SLC39A13: variants seen among roughly 807,000 people sequenced by gnomAD.
SLC39A13 encodes the protein zinc transporter ZIP13.
A neutral mutation model predicts 38.7 loss-of-function variants in SLC39A13; 18 were observed. The ratio of observed to expected loss-of-function variants is 0.47; its 90% confidence interval spans 0.32 to 0.69. SLC39A13 has a LOEUF of 0.69. Ranked by LOEUF, SLC39A13 falls within the 30% of genes least tolerant of loss-of-function variation. The pLI is 0.03. For missense variants in SLC39A13, 395 were observed against 490.7 expected (o/e 0.80, Z 1.84); for synonymous variants, 212 against 219.1 (o/e 0.97, Z 0.29).
chr11:47,413,495 C>A lies in SLC39A13; in HGVS notation c.633C>A (p.Val211=). 1 of 1,614,050 alleles carries A rather than the reference C, an allele frequency of 6.2e-7. No individual in the cohort carries two copies. The highest frequency in any genetic ancestry group is 1.1e-5 in the South Asian group (1 of 91,056). The part of the protein sequence containing the change: ...PAAEPGLGAV[V]RSIKVSGYLN... Reference sequence around the variant, plus strand: ...CAGAGCCCGGCCTCGGTGCCGTGGTCCGGAGCATCAAAGTGAGTGGCCTGC... The same window carrying A: ...CAGAGCCCGGCCTCGGTGCCGTGGTACGGAGCATCAAAGTGAGTGGCCTGC... The change falls in exon 5 of 10, where the codon GTC becomes GTA. Residue 211 remains valine (V), a synonymous_variant. Coordinates refer to ENST00000362021, the MANE Select transcript of SLC39A13 (RefSeq NM_001128225.3).
intron 1 of SLC39A13, 128 bp from the exon 2 acceptor site, chr11:47,409,959 C>A (rs140346957): frequency 1.8e-6 from 2 of 1,096,512 alleles, no homozygotes; most frequent in East Asian, 4.7e-5. Flanking sequence ...GATGCTCAGA[C>A]GCTCTGGCAA....
chr11:47,411,822 C>G (rs771265826), intron 2 of SLC39A13, 104 bp from the exon 3 acceptor site: 1 of 1,135,464 alleles, frequency 8.8e-7, no homozygotes, highest in Non-Finnish European at 1.3e-6. Context: ...CCACCCATAT[C>G]CAGCCTTGCA....
At position 47,413,683 on chromosome 11, in the gene SLC39A13, G is replaced by T. The variant is rs1311530837; in HGVS notation, c.732G>T (p.Lys244Asn). The change falls in exon 6 of 10, where the codon AAG becomes AAT. Residue 244 changes from lysine to asparagine, a missense_variant. Coordinates refer to ENST00000362021, the MANE Select transcript of SLC39A13 (RefSeq NM_001128225.3). ...LAVAASFLVS[K>N]KIGLLTTMAI... ...TGGCTGCCAGCTTCCTTGTGAGCAA[G>T]AAGGTGAGGGGCTTGGGGCCAGTGG... 6.2e-7 allele frequency: 1 copy of T among 1,613,952 alleles called. No individual in the cohort carries two copies. The highest frequency in any genetic ancestry group is 8.5e-7 in the Non-Finnish European group (1 of 1,179,984).
At position 47,414,823 on chromosome 11, in the gene SLC39A13, G is replaced by C. The variant is rs370516835; in HGVS notation, c.833G>C (p.Ser278Thr). 37 of 1,611,942 alleles carry C rather than the reference G, an allele frequency of 2.3e-5. No homozygotes were observed. The highest frequency in any genetic ancestry group is 2.9e-5 in the Non-Finnish European group (34 of 1,180,026). The change falls in exon 8 of 10, where the codon AGC becomes ACC. Residue 278 changes from serine (S) to threonine (T), a missense_variant. By Grantham distance (58) the Ser-to-Thr change is moderately conservative (BLOSUM62 1). Transcript: ENST00000362021. ...CTCCGGGCCGGCTTTGACCGATGGA[G>C]CGCAGCCAAGCTGCAACTCTCAACA... The part of the protein sequence containing the change: ...ILLRAGFDRW[S>T]AAKLQLSTAL...
In SLC39A13 at chr11:47,415,830, G is replaced by A. The variant is rs988043877; in HGVS notation, c.*467G>A. The A allele has an allele frequency of 4.0e-6, 1 of 248,778 alleles. No homozygotes were observed. The highest frequency in any genetic ancestry group is 4.9e-5 in the South Asian group (1 of 20,466). 15.4% of individuals were successfully genotyped at this position (248,778 alleles called of 1,614,324 possible). On this transcript the variant is annotated 3_prime_UTR_variant, in exon 10 of 10. Coordinates refer to ENST00000362021, the MANE Select transcript of SLC39A13 (RefSeq NM_001128225.3). ...GCGGCCTAGGGGCCAAGGCTGGGGC[G>A]GCTTTGGTCCCTTTTCCTGGCCCTT...
rs376076637 is a variant in SLC39A13, at chr11:47,415,293, C to T, written c.1046C>T (p.Ser349Phe). Residue 349 changes from serine to phenylalanine, a missense_variant, in exon 10 of 10, where the codon TCC becomes TTC. Transcript: ENST00000362021. ...GAGCCGTTCCCTCCCCACAGGCGCT[C>T]CCTGCAGCAGCTGCTTCTGCTCTGT... is the stretch of plus-strand genomic sequence containing the variant. ...DLLEEEDPWR[S>F]LQQLLLLCAG... 1.9e-5 allele frequency: 31 copies of T among 1,613,924 alleles called. No individual in the cohort carries two copies. Among genetic ancestry groups the T allele is most frequent in the Non-Finnish European group, 2.6e-5 (31 of 1,180,032 alleles).
chr11:47,412,606 C>T, intron 4 of SLC39A13, 139 bp downstream of exon 4: 1 of 1,478,920 alleles, frequency 6.8e-7, no homozygotes. Context: ...GGAGGTTGGG[C>T]CACCTTCTTT....
chr11:47,410,149 C>T lies in SLC39A13; in HGVS notation c.55C>T (p.Leu19Phe), dbSNP rs61995938. ...CGMAGPRLLF[L>F]TALALELLER... ...CATGGCGGGCCCAAGGCTCCTCTTC[C>T]TCACTGCCCTTGCCCTGGAGCTCTT... Residue 19 changes from leucine to phenylalanine, a missense_variant, in exon 2 of 10, where the codon CTC becomes TTC. Transcript: ENST00000362021. 90 of 1,613,342 alleles carry T rather than the reference C, an allele frequency of 5.6e-5. No individual in the cohort carries two copies. The African/African-American group carries it at 1.0e-3, about 19-fold the overall frequency.
rs74769589 is a variant in SLC39A13 at position 47,410,854 on chromosome 11, G to A, written c.301+459G>A. The stretch of plus-strand genomic sequence containing the variant: ...GCTGGTGCTGCCAGCTGGATGCTCA[G>A]GAACCATTCACTTACCAGATGGTTA... On this transcript the variant is annotated intron_variant, in intron 2 of 9. Transcript: ENST00000362021. Among the ~76,000 whole-genome samples, 638 of 152,296 alleles carry A rather than the reference G, an allele frequency of 4.2e-3. 1 individual carries two copies. The highest frequency in any genetic ancestry group is 0.015 in the African/African-American group (624 of 41,556).
At chr11:47,409,945 T>G in intron 1 of SLC39A13, 142 bp from the exon 2 acceptor site, 29 of 918,812 alleles carry the variant, frequency 3.2e-5, no homozygotes, top group South Asian at 4.5e-5. Context: ...GCACCCAGCA[T>G]TTGGATGCTC....
At position 47,415,435 on chromosome 11, in the gene SLC39A13, TGA is replaced by T; in HGVS notation, c.*76_*77del. The T allele has an allele frequency of 6.4e-7, 1 of 1,553,372 alleles. No individual in the cohort carries two copies. Among genetic ancestry groups the T allele is most frequent in the Non-Finnish European group, 8.9e-7 (1 of 1,128,270 alleles). On this transcript the variant is annotated 3_prime_UTR_variant, in exon 10 of 10. Coordinates refer to ENST00000362021, the MANE Select transcript of SLC39A13 (RefSeq NM_001128225.3). ...CGGATTCACTCTGTGACCGCATATG[TGA>T]GAGGCAGAGAGGGCGAGTGGCTGCG...
In SLC39A13 at chr11:47,408,613, C is replaced by T. The variant is rs1001469694; in HGVS notation, c.-58C>T. 3.4e-5 allele frequency: 5 copies of T among 147,788 alleles called. No individual in the cohort carries two copies. Among genetic ancestry groups the T allele is most frequent in the Non-Finnish European group, 7.5e-5 (5 of 66,368 alleles). The allele number at this position is 147,788 out of a possible 1,614,324, so 9.2% of individuals were successfully genotyped here. A position where few individuals can be genotyped will look rare whatever the true frequency, so the allele number is the denominator to read the frequency against. On this transcript the variant is annotated 5_prime_UTR_variant, in exon 1 of 10. Transcript: ENST00000362021. The stretch of plus-strand genomic sequence containing the variant: ...GCAGAGCCTGGGCGGGGCGCGGCAC[C>T]GCAGCTGGATGGCTGGGGCCGCCCG...
At chr11:47,415,238 G>A in intron 9 of SLC39A13, 50 bp from the exon 10 acceptor site, 1 of 1,613,474 alleles carries the variant, frequency 6.2e-7, no homozygotes, top group Non-Finnish European at 8.5e-7. Context: ...CCTGGCCGCT[G>A]CCTGCTCCCC....
At chr11:47,411,816 C>T in intron 2 of SLC39A13, 110 bp from the exon 3 acceptor site, 1 of 1,050,016 alleles carries the variant, frequency 9.5e-7, no homozygotes, top group Non-Finnish European at 1.4e-6. Flanking sequence ...GAGCAGCCAC[C>T]CATATCCAGC....
chr11:47,414,470 C>A lies in SLC39A13; in HGVS notation c.781C>A (p.His261Asn). Residue 261 changes from histidine (H) to asparagine (N), a missense_variant, in exon 7 of 10, where the codon CAT becomes AAT. Transcript: ENST00000362021. ...TMAILLHEIP[H>N]EVGDFAILLR... is the part of the protein sequence containing the mutation. ...GGCCATCCTCCTGCATGAGATCCCC[C>A]ATGAGGTGAGCGCTTGTAGGGCAGC... 2 of 1,612,432 alleles carry A rather than the reference C, an allele frequency of 1.2e-6. No homozygotes were observed. The highest frequency in any genetic ancestry group is 8.5e-7 in the Non-Finnish European group (1 of 1,179,432).
chr11:47,411,007 C>T (rs2095996490), intron 2 of SLC39A13, among the ~76,000 whole-genome samples: 1 of 152,178 alleles, frequency 6.6e-6, no homozygotes, highest in Admixed American at 6.5e-5. Context: ...GCAGGGAGCA[C>T]CTGGATTATT....
upstream of SLC39A13, among the ~76,000 whole-genome samples, chr11:47,408,214 G>A (rs1336310414): frequency 1.3e-5 from 2 of 152,150 alleles, no homozygotes; most frequent in Non-Finnish European, 2.9e-5. Flanking sequence ...GCGGCCGGGC[G>A]CGCCCCCGTG....
Position 47,410,198 on chromosome 11 carries a change from C to T in SLC39A13, c.104C>T (p.Pro35Leu), listed in dbSNP as rs374680665. ...ELLERAGGSQ[P>L]ALRSRGTATA... is the part of the protein sequence containing the mutation. ...TTGGAAAGGGCTGGGGGTTCCCAGC[C>T]GGCCCTCCGGAGCCGGGGGACTGCG... Residue 35 changes from proline to leucine, a missense_variant, in exon 2 of 10, where the codon CCG becomes CTG. Coordinates refer to ENST00000362021, the MANE Select transcript of SLC39A13 (RefSeq NM_001128225.3). 4.0e-5 allele frequency: 64 copies of T among 1,613,830 alleles called. No individual in the cohort carries two copies. The highest frequency in any genetic ancestry group is 3.5e-4 in the African/African-American group (26 of 75,040).
chr11:47,414,358 A>C, intron 6 of SLC39A13, 67 bp from the exon 7 acceptor site: 1 of 1,537,820 alleles, frequency 6.5e-7, no homozygotes, highest in Non-Finnish European at 8.8e-7. Context: ...CCTCTGTGGA[A>C]TGAGTGGGCG....
Sources: allele counts gnomAD v4.1 joint callset (sites outside exome capture counted in the v4.1 genomes callset), GRCh38; gene constraint gnomAD v4.1.1; transcripts MANE v1.5; gene names NCBI Gene and HGNC (gene_info 2026-07-23, HGNC 2026-07-21).